The following FSTL5 variants were observed in gnomAD, a reference collection of about 807,000 sequenced individuals.
FSTL5 encodes follistatin-related protein 5.
FSTL5 carries 62 observed loss-of-function variants against 89.1 expected under a neutral mutation model. The observed-to-expected ratio is 0.70, with a 90% CI of 0.57 to 0.86. The LOEUF is 0.86. FSTL5 is among the 40% of genes least tolerant of loss of function. The pLI is 0.00. For synonymous variants in FSTL5, 383 were observed against 346.2 expected (o/e 1.11, Z -1.18); for missense variants, 1,057 against 1,001.6 (o/e 1.06, Z -0.75).
At chr4:161,539,037 G>A (rs533947482) in intron 9 of FSTL5, among the ~76,000 whole-genome samples, 1 of 152,204 alleles carries the variant, frequency 6.6e-6, no homozygotes, top group East Asian at 1.9e-4. Context: ...GCCTACCAAA[G>A]GGCTGGCATT....
chr4:161,399,744 C>T (rs1054645237), intron 15 of FSTL5, among the ~76,000 whole-genome samples: 1 of 152,094 alleles, frequency 6.6e-6, no homozygotes, highest in African/African-American at 2.4e-5. Flanking sequence ...GAGAGACGAA[C>T]TGCTCACGTG....
intron 15 of FSTL5, among the ~76,000 whole-genome samples, chr4:161,442,069 A>G (rs1732789016): frequency 6.6e-6 from 1 of 152,004 alleles, no homozygotes; most frequent in Non-Finnish European, 1.5e-5. Flanking sequence ...TTTCAATGGG[A>G]TAGACCAAAA....
chr4:162,099,703 C>T (rs886845866), intron 2 of FSTL5, among the ~76,000 whole-genome samples: 1 of 152,030 alleles, frequency 6.6e-6, no homozygotes, highest in African/African-American at 2.4e-5. Flanking sequence ...CCAAAATATA[C>T]AATGAACATG....
intron 3 of FSTL5, among the ~76,000 whole-genome samples, chr4:161,929,696 T>TGTGG (rs1323279716): frequency 1.3e-5 from 2 of 151,236 alleles, no homozygotes; most frequent in Non-Finnish European, 1.5e-5. Context: ...TGTGTGTGTG[T>TGTGG]GTGTGTACAT....
intron 6 of FSTL5, among the ~76,000 whole-genome samples, chr4:161,712,763 G>T (rs952746677): frequency 2.0e-5 from 3 of 149,840 alleles, no homozygotes; most frequent in Admixed American, 6.6e-5. Flanking sequence ...GCTTAAAAGA[G>T]CTTGACCCCT....
intron 8 of FSTL5, among the ~76,000 whole-genome samples, chr4:161,552,095 A>T (rs1732237160): frequency 6.6e-6 from 1 of 151,972 alleles, no homozygotes; most frequent in South Asian, 2.1e-4. Context: ...CATCTAATAA[A>T]TAACTTTTTA....
chr4:161,574,428 C>A (rs912987195), intron 8 of FSTL5, among the ~76,000 whole-genome samples: 1 of 150,662 alleles, frequency 6.6e-6, no homozygotes, highest in South Asian at 2.1e-4. Context: ...CATGTGCCAG[C>A]GTGGTTTGCT....
chr4:161,963,035 G>T (rs931341212), intron 3 of FSTL5, among the ~76,000 whole-genome samples: 2 of 151,924 alleles, frequency 1.3e-5, no homozygotes, highest in Non-Finnish European at 2.9e-5. Flanking sequence ...ATTTTGTTTA[G>T]CTCAAACTTA....
chr4:161,400,008 G>A, intron 15 of FSTL5, among the ~76,000 whole-genome samples: 1 of 152,064 alleles, frequency 6.6e-6, no homozygotes, highest in South Asian at 2.1e-4. Flanking sequence ...ATTAATAATA[G>A]CAAATAATAA....
intron 6 of FSTL5, among the ~76,000 whole-genome samples, chr4:161,728,977 C>G (rs1283775702): frequency 6.6e-6 from 1 of 152,088 alleles, no homozygotes; most frequent in African/African-American, 2.4e-5. Flanking sequence ...TGAGAATGGC[C>G]TCAAAAGCCC....
At chr4:162,124,824 A>C (rs1158713166) in intron 1 of FSTL5, among the ~76,000 whole-genome samples, 2 of 151,996 alleles carry the variant, frequency 1.3e-5, no homozygotes, top group East Asian at 1.9e-4. Flanking sequence ...CTCAGCCTCC[A>C]GAGTAGCTGG....
chr4:161,888,811 A>G (rs540470325), intron 4 of FSTL5, among the ~76,000 whole-genome samples: 1 of 152,170 alleles, frequency 6.6e-6, no homozygotes, highest in Non-Finnish European at 1.5e-5. Flanking sequence ...ATTAATTTCA[A>G]TTATTAAATT....
chr4:161,737,191 T>C (rs546349624), intron 6 of FSTL5, among the ~76,000 whole-genome samples: 6 of 152,230 alleles, frequency 3.9e-5, no homozygotes, highest in Non-Finnish European at 7.4e-5. Flanking sequence ...AGTGTTTAGT[T>C]CTCTTTAGTA....
chr4:161,610,344 C>A (rs947694129), intron 7 of FSTL5, among the ~76,000 whole-genome samples: 1 of 152,066 alleles, frequency 6.6e-6, no homozygotes, highest in Non-Finnish European at 1.5e-5. Context: ...AAGCTAGCAA[C>A]AGAGATAAAG....
chr4:161,777,243 G>GTGTATA (rs1553965044), intron 4 of FSTL5, among the ~76,000 whole-genome samples: 38 of 145,028 alleles, frequency 2.6e-4, no homozygotes, highest in East Asian at 4.1e-4. Context: ...ATTTCATTGT[G>GTGTATA]TATATATATA....
intron 6 of FSTL5, among the ~76,000 whole-genome samples, chr4:161,697,648 A>G (rs1738217279): frequency 6.6e-6 from 1 of 152,194 alleles, no homozygotes; most frequent in Admixed American, 6.5e-5. Flanking sequence ...TGGTATCAAT[A>G]CAATGGAATA....
chr4:161,627,520 G>A (rs1345156891), intron 7 of FSTL5, among the ~76,000 whole-genome samples: 6 of 152,122 alleles, frequency 3.9e-5, no homozygotes, highest in African/African-American at 1.4e-4. Context: ...TTAATGTGAT[G>A]GTCTATAACC....
chr4:161,876,857 C>A (rs1011343315), intron 4 of FSTL5, among the ~76,000 whole-genome samples: 1 of 151,992 alleles, frequency 6.6e-6, no homozygotes, highest in African/African-American at 2.4e-5. Context: ...AAACAAGAAT[C>A]ATATGTAATA....
chr4:161,965,417 G>C (rs2110992718), intron 3 of FSTL5, among the ~76,000 whole-genome samples: 1 of 152,242 alleles, frequency 6.6e-6, no homozygotes, highest in South Asian at 2.1e-4. Context: ...GCCTGGACTA[G>C]AGAAAGGGTG....
Sources: gnomAD v4.1 joint callset for allele counts (sites outside exome capture counted in the v4.1 genomes callset) on GRCh38, gnomAD v4.1.1 for gene constraint, MANE v1.5 for transcripts, NCBI Gene and HGNC (gene_info 2026-07-23, HGNC 2026-07-21) for gene names.